ELMO1: variants seen among roughly 807,000 people sequenced by gnomAD.
The protein encoded by ELMO1 is engulfment and cell motility 1.
ELMO1 carries 26 observed loss-of-function variants against 98.9 expected under a neutral mutation model. That is an observed-to-expected ratio of 0.26 (90% confidence interval 0.19 to 0.36). The LOEUF is 0.36. ELMO1 is among the 10% of genes least tolerant of loss of function. The probability of loss-of-function intolerance (pLI) is 1.00; values close to 1 mark genes in which losing one functional copy is unlikely to be tolerated. For synonymous variants in ELMO1, 346 were observed against 346.0 expected, an observed-to-expected ratio of 1.00 and a Z score of 0.00; for missense variants, 627 against 935.2, an observed-to-expected ratio of 0.67 and a Z score of 4.30.
chr7:36,869,429 A>G (rs1296352167), intron 20 of ELMO1, among the ~76,000 whole-genome samples: 1 of 152,214 alleles, frequency 6.6e-6, no homozygotes, highest in East Asian at 1.9e-4. Flanking sequence ...TCTTATAACA[A>G]TAGAAATTAC....
chr7:36,948,812 C>A (rs189225809), intron 16 of ELMO1, among the ~76,000 whole-genome samples: 1 of 152,248 alleles, frequency 6.6e-6, no homozygotes, highest in East Asian at 1.9e-4. Context: ...TACGGCAGAG[C>A]CTCTAGGATA....
chr7:37,258,450 TAAGA>T (rs2130790794), intron 6 of ELMO1, among the ~76,000 whole-genome samples: 1 of 128,842 alleles, frequency 7.8e-6, no homozygotes, highest in African/African-American at 3.0e-5. Flanking sequence ...TAAAAAAAAA[TAAGA>T]GAGAGAGAGA....
At chr7:37,316,626 G>A (rs1240713797) in intron 2 of ELMO1, among the ~76,000 whole-genome samples, 1 of 152,150 alleles carries the variant, frequency 6.6e-6, no homozygotes, top group Non-Finnish European at 1.5e-5. Context: ...AAGATAGAAG[G>A]AATGCAGCAG....
intron 16 of ELMO1, among the ~76,000 whole-genome samples, chr7:36,914,365 A>G (rs1307301557): frequency 6.6e-6 from 1 of 152,202 alleles, no homozygotes; most frequent in African/African-American, 2.4e-5. Flanking sequence ...AACTAGTACT[A>G]TATTAGAAAG....
intron 2 of ELMO1, among the ~76,000 whole-genome samples, chr7:37,318,026 A>G (rs1356182949): frequency 4.6e-5 from 7 of 152,234 alleles, no homozygotes. Context: ...ATTACTGAGG[A>G]GCAGAAAGAT....
At chr7:37,261,178 A>G (rs1441011637) in intron 5 of ELMO1, among the ~76,000 whole-genome samples, 4 of 152,232 alleles carry the variant, frequency 2.6e-5, no homozygotes, top group Non-Finnish European at 5.9e-5. Flanking sequence ...AATACCTCAT[A>G]AAGTAATTCA....
intron 6 of ELMO1, among the ~76,000 whole-genome samples, chr7:37,254,285 T>C (rs561619671): frequency 6.6e-6 from 1 of 152,302 alleles, no homozygotes; most frequent in African/African-American, 2.4e-5. Flanking sequence ...TGGGAAAGTA[T>C]AAGAGACAAA....
At chr7:37,010,824 T>C (rs1482665362) in intron 16 of ELMO1, among the ~76,000 whole-genome samples, 1 of 152,218 alleles carries the variant, frequency 6.6e-6, no homozygotes, top group Non-Finnish European at 1.5e-5. Flanking sequence ...AAATACCTGA[T>C]ATATTTTTCT....
intron 4 of ELMO1, among the ~76,000 whole-genome samples, chr7:37,288,449 TCTCCAC>T (rs1797511653): frequency 6.6e-6 from 1 of 152,196 alleles, no homozygotes; most frequent in African/African-American, 2.4e-5. Flanking sequence ...GGTCTTGAAC[TCTCCAC>T]CTCAGGTGAT....
chr7:37,224,262 C>T (rs1223823173), intron 9 of ELMO1, among the ~76,000 whole-genome samples: 1 of 152,178 alleles, frequency 6.6e-6, no homozygotes, highest in African/African-American at 2.4e-5. Flanking sequence ...CAGAGACAAC[C>T]TTCCTAGTTA....
At chr7:37,087,073 C>T (rs1394830383) in intron 15 of ELMO1, among the ~76,000 whole-genome samples, 1 of 152,172 alleles carries the variant, frequency 6.6e-6, no homozygotes, top group Non-Finnish European at 1.5e-5. Flanking sequence ...TGGGATTATT[C>T]CAAAGTAGTT....
At chr7:37,256,623 AGAGGGGAAGG>A (rs1795669292) in intron 6 of ELMO1, among the ~76,000 whole-genome samples, 1 of 79,978 alleles carries the variant, frequency 1.3e-5, no homozygotes, top group Non-Finnish European at 2.4e-5. Context: ...AGGGGAGGGC[AGAGGGGAAGG>A]GAGGGGAGGG....
intron 13 of ELMO1, among the ~76,000 whole-genome samples, chr7:37,152,136 A>C (rs868211572): frequency 6.6e-6 from 1 of 152,250 alleles, no homozygotes; most frequent in Admixed American, 6.5e-5. Flanking sequence ...TATGTTAAAA[A>C]ATAAAAAATA....
chr7:37,289,551 G>A (rs1327205990), intron 4 of ELMO1, among the ~76,000 whole-genome samples: 1 of 152,140 alleles, frequency 6.6e-6, no homozygotes, highest in Non-Finnish European at 1.5e-5. Flanking sequence ...GTGCTCTGAG[G>A]CTCAAAAAGC....
intron 16 of ELMO1, among the ~76,000 whole-genome samples, chr7:36,938,711 A>G (rs1162361502): frequency 6.6e-6 from 1 of 152,168 alleles, no homozygotes; most frequent in Non-Finnish European, 1.5e-5. Context: ...CCTTTATTAC[A>G]GTTTCTTCAT....
chr7:37,014,240 G>A (rs1194837644), intron 15 of ELMO1, among the ~76,000 whole-genome samples: 1 of 151,922 alleles, frequency 6.6e-6, no homozygotes, highest in Non-Finnish European at 1.5e-5. Context: ...TAGCCCTTTT[G>A]TAAGTTATAC....
intron 1 of ELMO1, among the ~76,000 whole-genome samples, chr7:37,415,692 T>C (rs986108556): frequency 6.6e-6 from 1 of 152,124 alleles, no homozygotes; most frequent in Non-Finnish European, 1.5e-5. Context: ...AGAAAATAAT[T>C]AATGCATGAA....
chr7:37,049,771 T>G (rs936174001), intron 15 of ELMO1, among the ~76,000 whole-genome samples: 5 of 148,856 alleles, frequency 3.4e-5, no homozygotes, highest in African/African-American at 1.3e-4. Context: ...CAGTTTTGTT[T>G]TGTTTCTTTT....
At chr7:37,006,212 G>T (rs1180044740) in intron 16 of ELMO1, among the ~76,000 whole-genome samples, 1 of 152,164 alleles carries the variant, frequency 6.6e-6, no homozygotes, top group African/African-American at 2.4e-5. Flanking sequence ...TGTATTTATG[G>T]ATATTTGAAC....
Sources: gnomAD v4.1 joint callset for allele counts (sites outside exome capture counted in the v4.1 genomes callset) on GRCh38, gnomAD v4.1.1 for gene constraint, MANE v1.5 for transcripts, NCBI Gene and HGNC (gene_info 2026-07-23, HGNC 2026-07-21) for gene names.